The following FAM117B variants were observed in gnomAD, a reference collection of about 807,000 sequenced individuals.
The protein encoded by FAM117B is family with sequence similarity 117 member B.
Under a neutral mutation model 52.8 loss-of-function variants are expected in FAM117B, and 22 were observed. The ratio of observed to expected loss-of-function variants is 0.42; its 90% CI spans 0.30 to 0.59. The LOEUF is 0.59. Ranked by LOEUF, FAM117B falls within the 20% of genes least tolerant of loss-of-function variation. FAM117B has a pLI of 0.22. For synonymous variants in FAM117B, 309 were observed against 324.1 expected (o/e 0.95, Z 0.50); for missense variants, 678 against 802.6 (o/e 0.84, Z 1.88).
chr2:202,668,694 A>C (rs1690248499), intron 1 of FAM117B, among the ~76,000 whole-genome samples: 1 of 151,828 alleles, frequency 6.6e-6, no homozygotes, highest in Non-Finnish European at 1.5e-5. Context: ...AGGATGGTAG[A>C]TTTTGGGTCA....
chr2:202,691,544 A>G (rs1001323766), intron 1 of FAM117B, among the ~76,000 whole-genome samples: 4 of 152,106 alleles, frequency 2.6e-5, no homozygotes, highest in Admixed American at 2.0e-4. Context: ...GGTCTGTTGA[A>G]TTAATGTACC....
At chr2:202,647,415 C>A (rs72926976) in intron 1 of FAM117B, among the ~76,000 whole-genome samples, 34,182 of 152,032 alleles carry the variant, frequency 0.22, 4,555 homozygotes, top group Middle Eastern at 0.3. Flanking sequence ...TTATTTATTT[C>A]AACAAAACGT....
intron 2 of FAM117B, among the ~76,000 whole-genome samples, chr2:202,714,932 C>G (rs2105783433): frequency 6.6e-6 from 1 of 152,274 alleles, no homozygotes; most frequent in South Asian, 2.1e-4. Flanking sequence ...ATGTCTACTT[C>G]TTTCTACACA....
chr2:202,647,103 A>G (rs1467626812), intron 1 of FAM117B, among the ~76,000 whole-genome samples: 1 of 152,148 alleles, frequency 6.6e-6, no homozygotes, highest in Non-Finnish European at 1.5e-5. Flanking sequence ...AATTTATATA[A>G]GACAAAATGG....
At chr2:202,667,095 C>T (rs1167670110) in intron 1 of FAM117B, among the ~76,000 whole-genome samples, 1 of 151,822 alleles carries the variant, frequency 6.6e-6, no homozygotes. Flanking sequence ...ATTTGAGTTA[C>T]TTTAGTAAAT....
At chr2:202,736,921 A>G (rs894358418) in intron 4 of FAM117B, among the ~76,000 whole-genome samples, 2 of 152,172 alleles carry the variant, frequency 1.3e-5, no homozygotes, top group African/African-American at 4.8e-5. Flanking sequence ...TAAAAAAAAA[A>G]ATTAATGCTA....
chr2:202,673,246 A>G (rs1690324559), intron 1 of FAM117B, among the ~76,000 whole-genome samples: 1 of 152,044 alleles, frequency 6.6e-6, no homozygotes, highest in Non-Finnish European at 1.5e-5. Context: ...GAAGGGAGCT[A>G]TGGAGTGTTT....
chr2:202,635,436 T>C lies in FAM117B; in HGVS notation c.249T>C (p.Gly83=), dbSNP rs1450514881. 3.2e-5 allele frequency: 38 copies of C among 1,203,722 alleles called. No homozygotes were observed. Among genetic ancestry groups the C allele is most frequent in the Admixed American group, 1.9e-4 (4 of 21,558 alleles). The allele number at this position is 1,203,722 out of a possible 1,614,324, so 74.6% of individuals were successfully genotyped here. ...ASGPAGGGGG[G]GPRTASRSTS... Reference sequence around the variant, plus strand: ...GCCCCGCAGGCGGCGGCGGCGGCGGTGGCCCGCGCACCGCCTCGCGCAGCA... The same window carrying C: ...GCCCCGCAGGCGGCGGCGGCGGCGGCGGCCCGCGCACCGCCTCGCGCAGCA... The change falls in exon 1 of 8, where the codon GGT becomes GGC. Residue 83 remains glycine (G), a synonymous_variant. Transcript: ENST00000392238.
rs1692036802 is a variant in FAM117B at position 202,769,370 on chromosome 2, T to G, written c.*3606T>G. 1 of 152,662 alleles carries G rather than the reference T, an allele frequency of 6.6e-6. No homozygotes were observed. The highest frequency in any genetic ancestry group is 1.5e-5 in the Non-Finnish European group (1 of 68,024). The allele number at this position is 152,662 out of a possible 1,614,324, so 9.5% of individuals were successfully genotyped here. The stretch of plus-strand genomic sequence containing the variant: ...AAACTTAAGATTCATTCCTTAGTCT[T>G]TGGAATTTTGATGTCTCAAAACCAG... On this transcript the variant is annotated 3_prime_UTR_variant, in exon 8 of 8. Coordinates refer to ENST00000392238, the MANE Select transcript of FAM117B (RefSeq NM_173511.4).
chr2:202,750,836 G>T (rs905833157), intron 4 of FAM117B, among the ~76,000 whole-genome samples: 2 of 152,130 alleles, frequency 1.3e-5, no homozygotes, highest in South Asian at 2.1e-4. Flanking sequence ...ATATAAATCT[G>T]TGTGTGTGTC....
At chr2:202,741,993 G>T (rs1691549815) in intron 4 of FAM117B, among the ~76,000 whole-genome samples, 1 of 152,118 alleles carries the variant, frequency 6.6e-6, no homozygotes, top group African/African-American at 2.4e-5. Flanking sequence ...AAATTAATAA[G>T]TACTACACAA....
At chr2:202,651,197 G>A (rs561147244) in intron 1 of FAM117B, among the ~76,000 whole-genome samples, 103 of 151,776 alleles carry the variant, frequency 6.8e-4, no homozygotes, top group African/African-American at 2.4e-3. Context: ...GAGTAGATGG[G>A]ATTACAGGCA....
chr2:202,760,442 G>A (rs1161293979), intron 7 of FAM117B, among the ~76,000 whole-genome samples: 9 of 152,172 alleles, frequency 5.9e-5, no homozygotes, highest in Non-Finnish European at 8.8e-5. Flanking sequence ...GAGTTTCCAG[G>A]GCTGGGGATG....
At chr2:202,759,968 T>C (rs1691859848) in intron 7 of FAM117B, among the ~76,000 whole-genome samples, 1 of 152,214 alleles carries the variant, frequency 6.6e-6, no homozygotes. Flanking sequence ...CCTGAAGTGC[T>C]GGGATTGCAG....
In FAM117B at chr2:202,635,784, A is replaced by G. The variant is rs1184444344; in HGVS notation, c.597A>G (p.Lys199=). 6 of 1,450,768 alleles carry G rather than the reference A, an allele frequency of 4.1e-6. No homozygotes were observed. Among genetic ancestry groups the G allele is most frequent in the Non-Finnish European group, 4.5e-6 (5 of 1,103,636 alleles). The allele number at this position is 1,450,768 out of a possible 1,614,324, so 89.9% of individuals were successfully genotyped here. The part of the protein sequence containing the change: ...EKRSPSAPVC[K]AGDKTRQPSS... Reference sequence around the variant, plus strand: ...GGAGCCCCAGCGCCCCGGTTTGCAAAGCAGGTAAGTGCTGGGGGTCGCGCA... The same window carrying G: ...GGAGCCCCAGCGCCCCGGTTTGCAAGGCAGGTAAGTGCTGGGGGTCGCGCA... Residue 199 remains lysine (K), a synonymous_variant, in exon 1 of 8, where the codon AAA becomes AAG. Transcript: ENST00000392238.
At chr2:202,648,543 A>G (rs1427208753) in intron 1 of FAM117B, among the ~76,000 whole-genome samples, 1 of 109,168 alleles carries the variant, frequency 9.2e-6, no homozygotes, top group East Asian at 2.5e-4. Flanking sequence ...CAAAAAATAC[A>G]TATATATATA....
chr2:202,752,098 C>A (rs781400083), intron 4 of FAM117B, among the ~76,000 whole-genome samples: 4 of 151,432 alleles, frequency 2.6e-5, no homozygotes, highest in Non-Finnish European at 4.4e-5. Flanking sequence ...AAATAAGTGA[C>A]ACTTGAAAAA....
chr2:202,645,467 T>A (rs1046019929), intron 1 of FAM117B, among the ~76,000 whole-genome samples: 5 of 149,848 alleles, frequency 3.3e-5, no homozygotes, highest in Non-Finnish European at 7.4e-5. Flanking sequence ...TTTTTTGTAT[T>A]TTTAGTAGAG....
At chr2:202,715,406 G>A (rs1350092535) in intron 2 of FAM117B, among the ~76,000 whole-genome samples, 5 of 150,706 alleles carry the variant, frequency 3.3e-5, no homozygotes, top group South Asian at 2.1e-4. Context: ...CTTCTCAGAC[G>A]GGGCGGCCGG....
Sources: gnomAD v4.1 joint callset for allele counts (sites outside exome capture counted in the v4.1 genomes callset) on GRCh38, gnomAD v4.1.1 for gene constraint, MANE v1.5 for transcripts, NCBI Gene and HGNC (gene_info 2026-07-23, HGNC 2026-07-21) for gene names.